The following UGT1A9 variants were observed in gnomAD, a reference collection of about 807,000 sequenced individuals.
UGT1A9 encodes UDP-glucuronosyltransferase 1A9.
A neutral mutation model predicts 45.0 loss-of-function variants in UGT1A9; 35 were observed. The ratio of observed to expected loss-of-function variants is 0.78; its 90% CI spans 0.59 to 1.03. The LOEUF (loss-of-function observed/expected upper bound fraction) is 1.03. Ranked by LOEUF, UGT1A9 falls within the 50% of genes least tolerant of loss-of-function variation. UGT1A9 has a pLI of 0.00. For missense variants in UGT1A9, 687 were observed against 666.6 expected, an observed-to-expected ratio of 1.03 and a Z score of -0.34; for synonymous variants, 278 against 250.6, an observed-to-expected ratio of 1.11 and a Z score of -1.03.
Position 233,690,683 on chromosome 2 carries a change from G to A in UGT1A9, c.855+17894G>A. ...CAACCAGGGCAGGCCTGGGTCTCCAGCGGAGCTACTCTTTAGGGATCGTCA... is the reference window on the plus strand; with the variant it reads ...CAACCAGGGCAGGCCTGGGTCTCCAACGGAGCTACTCTTTAGGGATCGTCA... On this transcript the variant is annotated intron_variant, in intron 1 of 4. Coordinates refer to ENST00000354728, the MANE Select transcript of UGT1A9 (RefSeq NM_021027.3). 4.0e-6 allele frequency: 5 copies of A among 1,258,652 alleles called. No individual in the cohort carries two copies. In the South Asian group the frequency reaches 5.4e-5, roughly 14 times the overall value. 78.0% of individuals were successfully genotyped at this position (1,258,652 alleles called of 1,614,324 possible).
chr2:233,718,780 A>T (rs765403855), intron 1 of UGT1A9: 4 of 1,612,996 alleles, frequency 2.5e-6, no homozygotes, highest in Non-Finnish European at 3.4e-6. Context: ...TAGCAGGCAC[A>T]GCGTGGGGTG....
At chr2:233,729,564 T>A in intron 1 of UGT1A9, 2 of 1,614,164 alleles carry the variant, frequency 1.2e-6, no homozygotes. Flanking sequence ...CTACTTCCTT[T>A]GATGTGGTTT....
intron 1 of UGT1A9, chr2:233,719,277 C>T (rs1231059652): frequency 6.2e-7 from 1 of 1,614,052 alleles, no homozygotes; most frequent in Admixed American, 1.7e-5. Context: ...TTTAACAGAC[C>T]CCGTTAACCT....
intron 1 of UGT1A9, among the ~76,000 whole-genome samples, chr2:233,685,455 T>C (rs2074739226): frequency 6.6e-6 from 1 of 152,196 alleles, no homozygotes; most frequent in Non-Finnish European, 1.5e-5. Flanking sequence ...CTACACCATC[T>C]AGGGCCAGTG....
chr2:233,682,919 T>C, intron 1 of UGT1A9: 1 of 1,479,824 alleles, frequency 6.8e-7, no homozygotes, highest in Non-Finnish European at 8.9e-7. Flanking sequence ...TAAGGAATTC[T>C]TTTGTACCAA....
rs62191902 is a variant in UGT1A9, at chr2:233,724,813, C to G, written c.856-42221C>G. On this transcript the variant is annotated intron_variant, in intron 1 of 4. Coordinates refer to ENST00000354728, the MANE Select transcript of UGT1A9 (RefSeq NM_021027.3). ...AGACGGGGTGGCGGCCGGGCAGAGG[C>G]TGCAATCTCGGCACTTTGGGAGGCC... Among the ~76,000 whole-genome samples, 218 of 137,754 alleles carry G rather than the reference C, an allele frequency of 1.6e-3. 8 individuals carry two copies. The highest frequency in any genetic ancestry group is 2.4e-3 in the Non-Finnish European group (154 of 64,732). 90.4% of individuals were successfully genotyped at this position (137,754 alleles called of 152,430 possible).
intron 1 of UGT1A9, among the ~76,000 whole-genome samples, chr2:233,674,025 T>C (rs2074270792): frequency 6.6e-6 from 1 of 152,180 alleles, no homozygotes; most frequent in Admixed American, 6.5e-5. Context: ...CAGAATAACA[T>C]TCTTAGCAAA....
In UGT1A9 at chr2:233,747,979, T is replaced by C. The variant is rs1334158075; in HGVS notation, c.856-19055T>C. 3.7e-6 allele frequency: 6 copies of C among 1,613,558 alleles called. No homozygotes were observed. The East Asian group carries it at 1.3e-4, about 36-fold the overall frequency. ...CTTCTCAGCCATGCATCTGTGTGGCTGTTCCGAGGGGACTTTGTGATGGAT... is the reference window on the plus strand; with the variant it reads ...CTTCTCAGCCATGCATCTGTGTGGCCGTTCCGAGGGGACTTTGTGATGGAT... On this transcript the variant is annotated intron_variant, in intron 1 of 4. Transcript: ENST00000354728.
At chr2:233,755,280 C>T in intron 1 of UGT1A9, 2 of 709,722 alleles carry the variant, frequency 2.8e-6, no homozygotes, top group Non-Finnish European at 2.2e-6. Context: ...GCTGGACTGC[C>T]AAAGAGCCTG....
At chr2:233,693,353 A>C in intron 1 of UGT1A9, 1 of 1,614,132 alleles carries the variant, frequency 6.2e-7, no homozygotes, top group Non-Finnish European at 8.5e-7. Context: ...GAATAACATG[A>C]TTGTTATTGG....
At chr2:233,751,660 A>C (rs1210914952) in intron 1 of UGT1A9, among the ~76,000 whole-genome samples, 4 of 152,204 alleles carry the variant, frequency 2.6e-5, no homozygotes, top group Admixed American at 6.5e-5. Flanking sequence ...CATCCTACTG[A>C]GTGAGTTCTA....
chr2:233,691,883 G>A, intron 1 of UGT1A9: 1 of 154,858 alleles, frequency 6.5e-6, no homozygotes, highest in South Asian at 2.1e-4. Context: ...GTTTGTCTTT[G>A]TTTCCTGGAC....
rs1300409314 is a variant in UGT1A9, at chr2:233,693,558, G to A, written c.855+20769G>A. On this transcript the variant is annotated intron_variant, in intron 1 of 4. Transcript: ENST00000354728. The stretch of plus-strand genomic sequence containing the variant: ...TCCCTGGAGCATACATTCAGCAGAA[G>A]CCCAGACCCTGTGTCCTACATTCCC... 1.9e-6 allele frequency: 3 copies of A among 1,614,094 alleles called. No individual in the cohort carries two copies. Among genetic ancestry groups the A allele is most frequent in the African/African-American group, 2.7e-5 (2 of 74,926 alleles).
In UGT1A9 at chr2:233,772,467, T is replaced by G; in HGVS notation, c.1501T>G (p.Phe501Val). The G allele has an allele frequency of 6.8e-6, 11 of 1,614,156 alleles. No individual in the cohort carries two copies. The highest frequency in any genetic ancestry group is 9.3e-6 in the Non-Finnish European group (11 of 1,180,034). Residue 501 changes from phenylalanine (F) to valine (V), a missense_variant, in exon 5 of 5, where the codon TTC becomes GTC. Coordinates refer to ENST00000354728, the MANE Select transcript of UGT1A9 (RefSeq NM_021027.3). Reference sequence around the variant, plus strand: ...CTTGGCCGTCGTGCTGACAGTGGCCTTCATCACCTTTAAATGTTGTGCTTA... The same window carrying G: ...CTTGGCCGTCGTGCTGACAGTGGCCGTCATCACCTTTAAATGTTGTGCTTA... ...FLLAVVLTVA[F>V]ITFKCCAYGY...
At chr2:233,688,422 C>T (rs1255544114) in intron 1 of UGT1A9, among the ~76,000 whole-genome samples, 1 of 152,236 alleles carries the variant, frequency 6.6e-6, no homozygotes, top group Non-Finnish European at 1.5e-5. Context: ...ATGTGCCTAA[C>T]CTCTATACCT....
At chr2:233,760,872 G>A in intron 1 of UGT1A9, 1 of 1,614,112 alleles carries the variant, frequency 6.2e-7, no homozygotes, top group Non-Finnish European at 8.5e-7. Flanking sequence ...ACGTGCCCAG[G>A]CCTCTCTCCT....
chr2:233,682,864 T>G, intron 1 of UGT1A9: 2 of 1,527,656 alleles, frequency 1.3e-6, no homozygotes, highest in Non-Finnish European at 1.7e-6. Flanking sequence ...TACAGAATCA[T>G]AATTTATCAT....
chr2:233,729,557 CT>C, intron 1 of UGT1A9: 1 of 1,614,146 alleles, frequency 6.2e-7, no homozygotes, highest in Non-Finnish European at 8.5e-7. Context: ...CTGAATGCTA[CT>C]TCCTTTGATG....
intron 1 of UGT1A9, among the ~76,000 whole-genome samples, chr2:233,707,679 A>G (rs2075981057): frequency 6.6e-6 from 1 of 151,910 alleles, no homozygotes; most frequent in Admixed American, 6.6e-5. Flanking sequence ...TCTACTGTTG[A>G]TGGGCTTTGG....
Sources: allele counts gnomAD v4.1 joint callset (sites outside exome capture counted in the v4.1 genomes callset), GRCh38; gene constraint gnomAD v4.1.1; transcripts MANE v1.5; gene names NCBI Gene and HGNC (gene_info 2026-07-23, HGNC 2026-07-21).